THAP6: variants seen among roughly 807,000 people sequenced by gnomAD.
THAP6 encodes THAP domain-containing protein 6.
In THAP6, 13 loss-of-function variants were observed where a neutral mutation model predicts 20.0. That is an observed-to-expected ratio of 0.65 (90% CI 0.42 to 1.03). The LOEUF is 1.03. THAP6 is among the 50% of genes least tolerant of loss of function. The pLI is 0.00. For missense variants in THAP6, 262 were observed against 261.6 expected (o/e 1.00, Z -0.01); for synonymous variants, 93 against 92.2 (o/e 1.01, Z -0.05).
At chr4:75,539,881 A>G in intron 2 of THAP6, 2 of 1,536,148 alleles carry the variant, frequency 1.3e-6, no homozygotes, top group South Asian at 1.2e-5. Context: ...AGGAAACAAG[A>G]ACAGGAAGAA....
At chr4:75,541,448 G>T (rs189136499) in intron 2 of THAP6, among the ~76,000 whole-genome samples, 2 of 87,648 alleles carry the variant, frequency 2.3e-5, no homozygotes, top group East Asian at 5.4e-4. Context: ...AAGTGTGTAC[G>T]TGTGTGTGTG....
intron 3 of THAP6, among the ~76,000 whole-genome samples, chr4:75,519,251 T>C (rs1256447525): frequency 6.6e-6 from 1 of 152,204 alleles, no homozygotes; most frequent in Non-Finnish European, 1.5e-5. Flanking sequence ...CATTCTACTA[T>C]TGATAAATGT....
rs201144684 is a variant in THAP6, at chr4:75,527,248, C to T, written c.*34C>T. The T allele has an allele frequency of 8.0e-5, 127 of 1,580,778 alleles. No homozygotes were observed. Among genetic ancestry groups the T allele is most frequent in the Non-Finnish European group, 9.9e-5 (115 of 1,162,682 alleles). On this transcript the variant is annotated 3_prime_UTR_variant, in exon 5 of 5. Coordinates refer to ENST00000311638, the MANE Select transcript of THAP6 (RefSeq NM_144721.6). ...CATGTTACGTTCCACCTAAAATTGT[C>T]ATTGGTACAAATTTTTATAAAATCT...
At chr4:75,519,697 A>C (rs1725891691) in intron 3 of THAP6, among the ~76,000 whole-genome samples, 1 of 151,988 alleles carries the variant, frequency 6.6e-6, no homozygotes, top group Non-Finnish European at 1.5e-5. Context: ...CATGGTGTAT[A>C]TGTGCCACAT....
Position 75,528,969 on chromosome 4 carries a change from C to T in THAP6, c.*1755C>T. 1 of 478,522 alleles carries T rather than the reference C, an allele frequency of 2.1e-6. No homozygotes were observed. The highest frequency in any genetic ancestry group is 2.7e-6 in the Non-Finnish European group (1 of 367,194). 29.6% of individuals were successfully genotyped at this position (478,522 alleles called of 1,614,324 possible). A position where few individuals can be genotyped will look rare whatever the true frequency, so the allele number is the denominator to read the frequency against. On this transcript the variant is annotated 3_prime_UTR_variant, in exon 5 of 5. Coordinates refer to ENST00000311638, the MANE Select transcript of THAP6 (RefSeq NM_144721.6). ...TTGGGAGACTGAGGCAGGAGAATTG[C>T]TTGAACCCGGGAGGCGGAGATTGCA...
chr4:75,526,234 T>G (rs188875359), intron 4 of THAP6, among the ~76,000 whole-genome samples: 10 of 152,318 alleles, frequency 6.6e-5, no homozygotes, highest in Non-Finnish European at 1.0e-4. Context: ...AGCTATTTTT[T>G]TCTGTCTTTT....
intron 4 of THAP6, among the ~76,000 whole-genome samples, chr4:75,523,620 A>G (rs1056378436): frequency 1.3e-5 from 2 of 152,082 alleles, no homozygotes; most frequent in African/African-American, 4.8e-5. Flanking sequence ...CCTGGGAAAC[A>G]TGGTGAAACC....
chr4:75,514,392 T>G (rs1297225147), upstream of THAP6: 4 of 1,292,296 alleles, frequency 3.1e-6, no homozygotes, highest in Admixed American at 4.7e-5. Flanking sequence ...CAGCGGCCAC[T>G]AGCGACAATA....
At chr4:75,536,429 A>G (rs1726855944) in intron 2 of THAP6, among the ~76,000 whole-genome samples, 1 of 152,214 alleles carries the variant, frequency 6.6e-6, no homozygotes, top group Non-Finnish European at 1.5e-5. Context: ...ATGCCATTGC[A>G]CTGCAGCCTG....
At chr4:75,523,814 A>G (rs1726190849) in intron 4 of THAP6, among the ~76,000 whole-genome samples, 1 of 151,672 alleles carries the variant, frequency 6.6e-6, no homozygotes, top group Non-Finnish European at 1.5e-5. Flanking sequence ...AAAAAAAAAA[A>G]AAAAAAAGAA....
chr4:75,534,355 T>G (rs546612819), downstream of THAP6, among the ~76,000 whole-genome samples: 5 of 152,144 alleles, frequency 3.3e-5, no homozygotes, highest in African/African-American at 7.2e-5. Flanking sequence ...AACTGGCTAG[T>G]CATATGTAGA....
chr4:75,521,638 G>A (rs1472256978), intron 3 of THAP6, 98 bp from the exon 4 acceptor site: 1 of 1,219,522 alleles, frequency 8.2e-7, no homozygotes, highest in East Asian at 2.5e-5. Flanking sequence ...GAAAAGAAAT[G>A]TGGTATTAAC....
At chr4:75,544,708 T>G (rs1727087609) in intron 3 of THAP6, 1 of 152,116 alleles carries the variant, frequency 6.6e-6, no homozygotes, top group Non-Finnish European at 1.5e-5. Flanking sequence ...TATCACTGTT[T>G]CATCTAAAAA....
chr4:75,516,829 T>G lies in THAP6; in HGVS notation c.138T>G (p.Asp46Glu). The change falls in exon 3 of 5, where the codon GAT becomes GAG. Residue 46 changes from aspartate (D) to glutamate (E), a missense_variant. By Grantham distance (45) the Asp-to-Glu change is conservative. Transcript: ENST00000311638. ...GGGTATTAGCAATGAAAAGACTTGA[T>G]GTGAATGCAGCCGGCATTTGGGAGC... ...RKWVLAMKRL[D>E]VNAAGIWEPK... is the part of the protein sequence containing the mutation. 7 of 1,614,066 alleles carry G rather than the reference T, an allele frequency of 4.3e-6. No homozygotes were observed. The highest frequency in any genetic ancestry group is 5.9e-6 in the Non-Finnish European group (7 of 1,180,004).
intron 3 of THAP6, among the ~76,000 whole-genome samples, chr4:75,519,163 T>C (rs1330328777): frequency 2.0e-5 from 3 of 152,212 alleles, no homozygotes; most frequent in Non-Finnish European, 4.4e-5. Flanking sequence ...ACATCTTGTA[T>C]GATTCATCCA....
intron 4 of THAP6, 113 bp from the exon 5 acceptor site, chr4:75,526,847 A>G: frequency 6.9e-7 from 1 of 1,452,066 alleles, no homozygotes; most frequent in African/African-American, 1.4e-5. Flanking sequence ...TCTATCACCA[A>G]CTTAAAAATG....
chr4:75,530,060 A>G (rs1726628925), downstream of THAP6: 2 of 984,804 alleles, frequency 2.0e-6, no homozygotes, highest in Non-Finnish European at 2.4e-6. Flanking sequence ...GAGTTATTCA[A>G]TAAAATGGGC....
chr4:75,514,172 G>A, upstream of THAP6: 3 of 1,595,226 alleles, frequency 1.9e-6, no homozygotes, highest in Non-Finnish European at 2.6e-6. Context: ...AAGCTTGTCA[G>A]GGAAGAGTCC....
At chr4:75,536,109 T>A (rs540289207) in intron 2 of THAP6, among the ~76,000 whole-genome samples, 1 of 152,222 alleles carries the variant, frequency 6.6e-6, no homozygotes, top group Non-Finnish European at 1.5e-5. Context: ...TCAATAATTA[T>A]ATTAAACACA....
Sources: gnomAD v4.1 joint callset for allele counts (sites outside exome capture counted in the v4.1 genomes callset) on GRCh38, gnomAD v4.1.1 for gene constraint, MANE v1.5 for transcripts, NCBI Gene and HGNC (gene_info 2026-07-23, HGNC 2026-07-21) for gene names.